Variants in CECR2 observed in about 807,000 individuals in gnomAD.
CECR2 encodes CECR2 histone acetyl-lysine reader.
CECR2 carries 30 observed loss-of-function variants against 154.5 expected under a neutral mutation model. The observed-to-expected ratio is 0.19, with a 90% confidence interval of 0.15 to 0.26. The LOEUF (loss-of-function observed/expected upper bound fraction) is 0.26. Ranked by LOEUF, CECR2 falls within the 10% of genes least tolerant of loss-of-function variation. The pLI is 1.00. For synonymous variants in CECR2, 725 were observed against 683.7 expected, an observed-to-expected ratio of 1.06 and a Z score of -0.94; for missense variants, 1,743 against 1,829.3, an observed-to-expected ratio of 0.95 and a Z score of 0.86.
intron 16 of CECR2, among the ~76,000 whole-genome samples, chr22:17,545,410 A>T (rs1335719263): frequency 2.7e-5 from 4 of 148,966 alleles, no homozygotes; most frequent in Non-Finnish European, 5.9e-5. Context: ...AATGCCGTTT[A>T]AGAGGAATAA....
At chr22:17,386,254 G>A (rs1381631665) in intron 1 of CECR2, among the ~76,000 whole-genome samples, 3 of 152,120 alleles carry the variant, frequency 2.0e-5, no homozygotes, top group Non-Finnish European at 2.9e-5. Context: ...TACTCTGACC[G>A]GAGAGGGAGA....
intron 1 of CECR2, among the ~76,000 whole-genome samples, chr22:17,466,457 T>C (rs1601405853): frequency 6.6e-6 from 1 of 152,244 alleles, no homozygotes; most frequent in East Asian, 1.9e-4. Context: ...ACCCTTTATG[T>C]CAGCCCATAG....
intron 2 of CECR2, among the ~76,000 whole-genome samples, chr22:17,486,979 C>T (rs1324459683): frequency 1.3e-5 from 2 of 152,126 alleles, no homozygotes; most frequent in African/African-American, 2.4e-5. Flanking sequence ...TGATGCTGCA[C>T]GCTGCTGGTC....
intron 1 of CECR2, among the ~76,000 whole-genome samples, chr22:17,421,497 C>T (rs1442480498): frequency 6.6e-6 from 1 of 150,824 alleles, no homozygotes. Context: ...CGCCTGTAGT[C>T]CCAGCTACTT....
intron 1 of CECR2, among the ~76,000 whole-genome samples, chr22:17,408,244 T>C (rs1003940731): frequency 7.2e-5 from 10 of 139,682 alleles, no homozygotes; most frequent in African/African-American, 2.6e-4. Context: ...CTCGTCTGCT[T>C]TCTGTCTGTG....
intron 9 of CECR2, among the ~76,000 whole-genome samples, chr22:17,524,692 CTTTT>C (rs1188195849): frequency 4.5e-5 from 2 of 44,304 alleles, no homozygotes; most frequent in African/African-American, 1.2e-4. Flanking sequence ...ATGCCTGGCC[CTTTT>C]TTTTTTTTTT....
intron 9 of CECR2, among the ~76,000 whole-genome samples, chr22:17,529,790 CAA>C (rs2056325852): frequency 6.6e-6 from 1 of 151,974 alleles, no homozygotes; most frequent in Non-Finnish European, 1.5e-5. Context: ...TTGTTTGAGA[CAA>C]AGTCTCGCTC....
intron 1 of CECR2, among the ~76,000 whole-genome samples, chr22:17,371,276 T>G (rs2063057565): frequency 6.6e-6 from 1 of 152,074 alleles, no homozygotes; most frequent in Admixed American, 6.6e-5. Flanking sequence ...AGACAGATAG[T>G]CTAGGGCCAC....
At chr22:17,535,582 T>G (rs981873150) in intron 9 of CECR2, among the ~76,000 whole-genome samples, 1 of 152,052 alleles carries the variant, frequency 6.6e-6, no homozygotes, top group African/African-American at 2.4e-5. Flanking sequence ...AATACTATAT[T>G]AACATTAATA....
chr22:17,428,871 C>T (rs1363232088), intron 1 of CECR2, among the ~76,000 whole-genome samples: 2 of 148,604 alleles, frequency 1.3e-5, no homozygotes, highest in African/African-American at 5.0e-5. Flanking sequence ...AGGGAATAGG[C>T]GTGGTGGGGT....
At chr22:17,552,794 C>G in intron 18 of CECR2, 41 bp from the exon 19 acceptor site, 1 of 789,958 alleles carries the variant, frequency 1.3e-6, no homozygotes, top group South Asian at 2.0e-5. Flanking sequence ...TTTTAACAAC[C>G]CAATTTTTAT....
rs1448336875 is a variant in CECR2, at chr22:17,538,876, CTG to C, written c.1369-115_1369-114del. On this transcript the variant is annotated intron_variant, in intron 12 of 18. Coordinates refer to ENST00000262608, the MANE Select transcript of CECR2 (RefSeq NM_001290047.2). ...GTTCATGTGATGTTTCTCGTTTTAT[CTG>C]TTATTCATTACAGATCAGCATTGCT... 3 of 1,361,476 alleles carry C rather than the reference CTG, an allele frequency of 2.2e-6. No individual in the cohort carries two copies. In the African/African-American group the frequency reaches 4.4e-5, roughly 20 times the overall value. The allele number at this position is 1,361,476 out of a possible 1,614,324, so 84.3% of individuals were successfully genotyped here. A position where few individuals can be genotyped will look rare whatever the true frequency, so the allele number is the denominator to read the frequency against.
intron 2 of CECR2, 35 bp downstream of exon 2, chr22:17,477,717 G>T (rs4819593): frequency 4.8e-6 from 7 of 1,455,832 alleles, no homozygotes; most frequent in Middle Eastern, 3.5e-4. Flanking sequence ...CATTTCTTGC[G>T]CCAAGAACTA....
upstream of CECR2, among the ~76,000 whole-genome samples, chr22:17,364,502 A>G (rs1028273509): frequency 6.6e-5 from 10 of 152,148 alleles, no homozygotes; most frequent in African/African-American, 2.4e-4. Context: ...ACAAAGGTAG[A>G]GAAAGGGCAA....
At chr22:17,511,204 C>A (rs2055944839) in intron 7 of CECR2, among the ~76,000 whole-genome samples, 2 of 152,292 alleles carry the variant, frequency 1.3e-5, no homozygotes, top group South Asian at 2.1e-4. Context: ...TGCTAATAAA[C>A]CTTGGCCTTC....
chr22:17,478,783 A>G (rs1429014143), intron 2 of CECR2, among the ~76,000 whole-genome samples: 3 of 152,202 alleles, frequency 2.0e-5, no homozygotes, highest in African/African-American at 7.2e-5. Context: ...CTCAGGGTGG[A>G]AGTCTGCATT....
At chr22:17,386,655 CTT>C (rs199708695) in intron 1 of CECR2, among the ~76,000 whole-genome samples, 10 of 139,830 alleles carry the variant, frequency 7.2e-5, no homozygotes, top group South Asian at 2.3e-4. Flanking sequence ...AGAAATGTGC[CTT>C]TTTTTTTTTT....
intron 1 of CECR2, among the ~76,000 whole-genome samples, chr22:17,381,436 G>A (rs1367154602): frequency 1.3e-5 from 2 of 152,182 alleles, no homozygotes; most frequent in Non-Finnish European, 2.9e-5. Context: ...TTTAGTGCAA[G>A]TGCTGCTGGA....
Position 17,549,227 on chromosome 22 carries a change from G to C in CECR2, c.3940G>C (p.Ala1314Pro). 6.2e-7 allele frequency: 1 copy of C among 1,614,048 alleles called. No homozygotes were observed. Among genetic ancestry groups the C allele is most frequent in the Non-Finnish European group, 8.5e-7 (1 of 1,179,892 alleles). Residue 1314 changes from alanine (A) to proline (P), a missense_variant, in exon 17 of 19, where the codon GCC (alanine) becomes CCC (proline). Physicochemically the swap from Ala to Pro is conservative, Grantham distance 27 (BLOSUM62 -1). This residue lies in a region of CECR2 where 1,250 missense variants were observed against 1,192.1 expected (regional missense o/e 1.05). Coordinates refer to ENST00000262608, the MANE Select transcript of CECR2 (RefSeq NM_001290047.2). ...TACCAAGCGGCAGAGCTCGTTGTCA[G>C]CCAGCGAGTATCTCTATGGAACTCC... The part of the protein sequence containing the change: ...AATKRQSSLS[A>P]SEYLYGTPPP...
Sources: allele counts gnomAD v4.1 joint callset (sites outside exome capture counted in the v4.1 genomes callset), GRCh38; gene constraint gnomAD v4.1.1; regional missense constraint gnomAD v4.1.1; transcripts MANE v1.5; gene names NCBI Gene and HGNC (gene_info 2026-07-23, HGNC 2026-07-21).